Variants in NOS1AP observed in about 807,000 individuals in gnomAD.
The protein encoded by NOS1AP is carboxyl-terminal PDZ ligand of neuronal nitric oxide synthase protein.
NOS1AP carries 21 observed loss-of-function variants against 56.2 expected under a neutral mutation model. That is an observed-to-expected ratio of 0.37 (90% CI 0.26 to 0.54). The LOEUF is 0.54. Among genes scored for constraint, NOS1AP ranks in the 20% least tolerant of loss-of-function variants. The probability of loss-of-function intolerance (pLI) is 0.84; values close to 1 mark genes in which losing one functional copy is unlikely to be tolerated. For synonymous variants in NOS1AP, 270 were observed against 274.6 expected (o/e 0.98, Z 0.17); for missense variants, 522 against 657.8 (o/e 0.79, Z 2.26).
rs140003824 is a variant in NOS1AP at position 162,263,561 on chromosome 1, T to C, written c.178-23783T>C. ...TTTGGTCTGTATAATGGCATTTTCC[T>C]ATGGTTTCACAGAGAGGTGGATTCT... On this transcript the variant is annotated intron_variant, in intron 2 of 9. Coordinates refer to ENST00000361897, the MANE Select transcript of NOS1AP (RefSeq NM_014697.3). Among the ~76,000 whole-genome samples, 369 of 152,314 alleles carry C rather than the reference T, an allele frequency of 2.4e-3. 1 individual carries two copies. The highest frequency in any genetic ancestry group is 8.3e-3 in the African/African-American group (346 of 41,574).
At chr1:162,355,871 A>G (rs765348530) in intron 7 of NOS1AP, among the ~76,000 whole-genome samples, 2 of 152,222 alleles carry the variant, frequency 1.3e-5, no homozygotes, top group Non-Finnish European at 2.9e-5. Flanking sequence ...ACCTAACATC[A>G]TATAGGTGAG....
chr1:162,346,523 A>G (rs1012567819), intron 6 of NOS1AP, among the ~76,000 whole-genome samples: 1 of 152,202 alleles, frequency 6.6e-6, no homozygotes, highest in Non-Finnish European at 1.5e-5. Context: ...GTGTATATGT[A>G]GGTATATATG....
At chr1:162,137,409 T>A (rs1649050785) in intron 1 of NOS1AP, among the ~76,000 whole-genome samples, 1 of 151,026 alleles carries the variant, frequency 6.6e-6, no homozygotes, top group African/African-American at 2.5e-5. Context: ...CTCTGGAAGG[T>A]TTTCCATCTA....
chr1:162,133,820 C>A (rs1235025183), intron 1 of NOS1AP, among the ~76,000 whole-genome samples: 1 of 134,906 alleles, frequency 7.4e-6, no homozygotes, highest in African/African-American at 3.9e-5. Context: ...TTCCTCTCAA[C>A]TGCAGGAAGC....
chr1:162,221,874 T>G (rs1198091841), intron 2 of NOS1AP, among the ~76,000 whole-genome samples: 1 of 152,222 alleles, frequency 6.6e-6, no homozygotes, highest in Non-Finnish European at 1.5e-5. Context: ...ATCAAAGATG[T>G]CCTTTCAGGT....
At chr1:162,255,766 G>A (rs990051032) in intron 2 of NOS1AP, among the ~76,000 whole-genome samples, 6 of 152,018 alleles carry the variant, frequency 3.9e-5, no homozygotes, top group African/African-American at 1.4e-4. Flanking sequence ...GGTGAGGGCA[G>A]GGGTGGAAAA....
chr1:162,198,029 G>A (rs898364884), intron 2 of NOS1AP, among the ~76,000 whole-genome samples: 4 of 152,370 alleles, frequency 2.6e-5, no homozygotes, highest in East Asian at 1.9e-4. Context: ...TCATGGAGGC[G>A]TCATGGGCCC....
intron 1 of NOS1AP, among the ~76,000 whole-genome samples, chr1:162,091,504 A>G (rs1442880177): frequency 6.6e-6 from 1 of 152,074 alleles, no homozygotes; most frequent in Non-Finnish European, 1.5e-5. Context: ...TTTTGTAGAG[A>G]CTGTGGAAGA....
At chr1:162,206,905 T>C (rs4656357) in intron 2 of NOS1AP, among the ~76,000 whole-genome samples, 5,242 of 152,326 alleles carry the variant, frequency 0.034, 132 homozygotes, top group Non-Finnish European at 0.049. Flanking sequence ...GAGGGCATCC[T>C]ATAAATGGTA....
rs529880589 is a variant in NOS1AP at position 162,123,857 on chromosome 1, T to G, written c.106-30548T>G. Among the ~76,000 whole-genome samples the G allele has an allele frequency of 3.9e-5, 6 of 152,290 alleles. No individual in the cohort carries two copies. In the East Asian group the frequency reaches 9.7e-4, roughly 25 times the overall value. ...TACAGACAAGATGTTCCTTCTTCTA[T>G]AAGTCCTTCAGAGTGGATTTCCTAA... On this transcript the variant is annotated intron_variant, in intron 1 of 9. Transcript: ENST00000361897.
intron 2 of NOS1AP, among the ~76,000 whole-genome samples, chr1:162,254,634 G>A (rs568121141): frequency 1.2e-4 from 18 of 152,328 alleles, no homozygotes; most frequent in African/African-American, 3.8e-4. Flanking sequence ...GTCACAAGAG[G>A]ATGCGACTGG....
Position 162,365,530 on chromosome 1 carries a change from G to A in NOS1AP, c.1066G>A (p.Val356Met). The A allele has an allele frequency of 6.2e-7, 1 of 1,613,364 alleles. No individual in the cohort carries two copies. Among genetic ancestry groups the A allele is most frequent in the South Asian group, 1.1e-5 (1 of 91,084 alleles). ...LQHISLLVKQ[V>M]QELELKLSGQ... ...GCACATCTCCCTGCTGGTCAAGCAG[G>A]TGCAAGAGCTGGAACTGAAGCTGTC... The change falls in exon 9 of 10, where the codon GTG becomes ATG. Residue 356 changes from valine (V) to methionine (M), a missense_variant. Coordinates refer to ENST00000361897, the MANE Select transcript of NOS1AP (RefSeq NM_014697.3).
chr1:162,268,552 G>A (rs1376213774), intron 2 of NOS1AP, among the ~76,000 whole-genome samples: 2 of 152,072 alleles, frequency 1.3e-5, no homozygotes, highest in Non-Finnish European at 2.9e-5. Context: ...AAATATGGAC[G>A]GGCAGCCCAA....
At chr1:162,071,921 A>T (rs1302426138) in intron 1 of NOS1AP, among the ~76,000 whole-genome samples, 2 of 152,170 alleles carry the variant, frequency 1.3e-5, no homozygotes, top group Non-Finnish European at 2.9e-5. Flanking sequence ...AAGGCTAAGC[A>T]TGGTGGCTAT....
chr1:162,077,540 G>C (rs1024924424), intron 1 of NOS1AP, among the ~76,000 whole-genome samples: 1 of 151,906 alleles, frequency 6.6e-6, no homozygotes, highest in Admixed American at 6.6e-5. Flanking sequence ...CCCATTCTGT[G>C]GTCTTTTCAC....
intron 2 of NOS1AP, among the ~76,000 whole-genome samples, chr1:162,224,168 A>G (rs905645486): frequency 1.4e-5 from 2 of 146,012 alleles, no homozygotes; most frequent in East Asian, 2.0e-4. Context: ...TTGGGGACAG[A>G]AAAAAAAAAA....
chr1:162,296,600 A>G (rs908695623), intron 3 of NOS1AP, among the ~76,000 whole-genome samples: 1 of 152,172 alleles, frequency 6.6e-6, no homozygotes, highest in Non-Finnish European at 1.5e-5. Flanking sequence ...GATCCTGCTA[A>G]TGCTCATTCT....
At chr1:162,213,983 C>A (rs182294655) in intron 2 of NOS1AP, among the ~76,000 whole-genome samples, 4 of 152,312 alleles carry the variant, frequency 2.6e-5, no homozygotes, top group African/African-American at 7.2e-5. Flanking sequence ...GACCTAAAAT[C>A]CAGCACTGTG....
At chr1:162,222,409 T>G (rs990295952) in intron 2 of NOS1AP, among the ~76,000 whole-genome samples, 2 of 152,242 alleles carry the variant, frequency 1.3e-5, no homozygotes, top group South Asian at 2.1e-4. Context: ...GAGCTCATTA[T>G]GGACTTGGGT....
Sources: allele counts gnomAD v4.1 joint callset (sites outside exome capture counted in the v4.1 genomes callset), GRCh38; gene constraint gnomAD v4.1.1; transcripts MANE v1.5; gene names NCBI Gene and HGNC (gene_info 2026-07-23, HGNC 2026-07-21).